The following SNTB2 variants were observed in gnomAD, a reference collection of about 807,000 sequenced individuals.
The protein encoded by SNTB2 is beta-2-syntrophin.
A neutral mutation model predicts 46.2 loss-of-function variants in SNTB2; 34 were observed. That is an observed-to-expected ratio of 0.74 (90% CI 0.56 to 0.98). The LOEUF (loss-of-function observed/expected upper bound fraction) is 0.98. Ranked by LOEUF, SNTB2 falls within the 50% of genes least tolerant of loss-of-function variation. SNTB2 has a pLI of 0.00. For missense variants in SNTB2, 603 were observed against 731.4 expected (o/e 0.82, Z 2.02); for synonymous variants, 290 against 312.6 (o/e 0.93, Z 0.76).
At chr16:69,246,075 AAG>A (rs1437976841) in intron 2 of SNTB2, among the ~76,000 whole-genome samples, 17 of 152,326 alleles carry the variant, frequency 1.1e-4, no homozygotes, top group African/African-American at 3.8e-4. Flanking sequence ...GGGTGAAAGA[AAG>A]AGGGGGCATC....
chr16:69,278,891 T>A (rs755630589), intron 4 of SNTB2, among the ~76,000 whole-genome samples: 942 of 63,496 alleles, frequency 0.015, 2 homozygotes, highest in Non-Finnish European at 0.026. Flanking sequence ...GTGGGAAGAG[T>A]GTGTGTGTGT....
At chr16:69,203,746 A>G (rs1964188203) in intron 1 of SNTB2, among the ~76,000 whole-genome samples, 1 of 151,896 alleles carries the variant, frequency 6.6e-6, no homozygotes, top group Non-Finnish European at 1.5e-5. Flanking sequence ...GTGGGAATCC[A>G]TTGCTTGTTT....
At chr16:69,278,299 G>A (rs1408604990) in intron 4 of SNTB2, among the ~76,000 whole-genome samples, 1 of 152,060 alleles carries the variant, frequency 6.6e-6, no homozygotes, top group Admixed American at 6.6e-5. Flanking sequence ...CTGGGGGACA[G>A]AGTGAGACCC....
chr16:69,238,585 CTT>C (rs1424096198), intron 1 of SNTB2, among the ~76,000 whole-genome samples: 1 of 152,182 alleles, frequency 6.6e-6, no homozygotes, highest in Non-Finnish European at 1.5e-5. Flanking sequence ...GAACTGCAGA[CTT>C]ATATATCTAG....
chr16:69,202,668 C>T (rs868658384), intron 1 of SNTB2, among the ~76,000 whole-genome samples: 5 of 152,104 alleles, frequency 3.3e-5, no homozygotes, highest in Non-Finnish European at 5.9e-5. Flanking sequence ...CTCTGCCTCC[C>T]GGGTTCAAGC....
rs117435586 is a variant in SNTB2, at chr16:69,275,381, T to A, written c.1148+5096T>A. On this transcript the variant is annotated intron_variant, in intron 4 of 6. Coordinates refer to ENST00000336278, the MANE Select transcript of SNTB2 (RefSeq NM_006750.4). ...CATACCAATTCATGTTGTTTCTTAATAAGTTTAATTAATGTAACAACAGGG... is the reference window on the plus strand; with the variant it reads ...CATACCAATTCATGTTGTTTCTTAAAAAGTTTAATTAATGTAACAACAGGG... 9.0e-3 allele frequency among the ~76,000 whole-genome samples: 1,365 copies of A among 152,336 alleles called. 10 individuals carry two copies. The highest frequency in any genetic ancestry group is 0.014 in the South Asian group (68 of 4,824).
At chr16:69,199,088 T>C (rs1264074189) in intron 1 of SNTB2, among the ~76,000 whole-genome samples, 2 of 151,902 alleles carry the variant, frequency 1.3e-5, no homozygotes, top group Non-Finnish European at 2.9e-5. Context: ...TAGAGATGGG[T>C]TTCTCCGTGT....
At position 69,308,461 on chromosome 16, in the gene SNTB2, A is replaced by C. The variant is rs552876511; in HGVS notation, c.*7537A>C. On this transcript the variant is annotated 3_prime_UTR_variant, in exon 7 of 7. Coordinates refer to ENST00000336278, the MANE Select transcript of SNTB2 (RefSeq NM_006750.4). ...AATTTTCCCTCCACTATACGACTCC[A>C]GTATTATGTTTACAATCCATTGGAT... The C allele has an allele frequency of 1.3e-5, 2 of 152,350 alleles. No individual in the cohort carries two copies. Among genetic ancestry groups the C allele is most frequent in the Non-Finnish European group, 2.9e-5 (2 of 68,028 alleles). 9.4% of individuals were successfully genotyped at this position (152,350 alleles called of 1,614,324 possible). A position where few individuals can be genotyped will look rare whatever the true frequency, so the allele number is the denominator to read the frequency against.
intron 1 of SNTB2, among the ~76,000 whole-genome samples, chr16:69,190,852 G>C (rs1964042417): frequency 6.6e-6 from 1 of 152,094 alleles, no homozygotes; most frequent in Non-Finnish European, 1.5e-5. Flanking sequence ...GTAAAGCCAG[G>C]ATGATAATAA....
intron 3 of SNTB2, among the ~76,000 whole-genome samples, chr16:69,263,961 C>CA (rs1041443484): frequency 2.7e-5 from 4 of 147,438 alleles, no homozygotes; most frequent in East Asian, 2.0e-4. Flanking sequence ...CTCCGCCTCC[C>CA]AAAAAAAAAA....
At chr16:69,282,959 G>C (rs887263722) in intron 4 of SNTB2, among the ~76,000 whole-genome samples, 1 of 152,066 alleles carries the variant, frequency 6.6e-6, no homozygotes, top group African/African-American at 2.4e-5. Context: ...AGTTTTAGGA[G>C]TTGTGTACAG....
rs543549242 is a variant in SNTB2, at chr16:69,188,378, C to T, written c.580+632C>T. ...ATTTACTGCCAACTAGAGTTTTGCC[C>T]CTTTTGCAAGTCTGCTGCCAGCTTC... On this transcript the variant is annotated intron_variant, in intron 1 of 6. Coordinates refer to ENST00000336278, the MANE Select transcript of SNTB2 (RefSeq NM_006750.4). Among the ~76,000 whole-genome samples, 5 of 152,322 alleles carry T rather than the reference C, an allele frequency of 3.3e-5. No homozygotes were observed. In the East Asian group the frequency reaches 9.6e-4, roughly 29 times the overall value.
rs531703873 is a variant in SNTB2, at chr16:69,302,088, G to A, written c.*1164G>A. 5 of 152,244 alleles carry A rather than the reference G, an allele frequency of 3.3e-5. No homozygotes were observed. In the East Asian group the frequency reaches 9.7e-4, roughly 29 times the overall value. 9.4% of individuals were successfully genotyped at this position (152,244 alleles called of 1,614,324 possible). On this transcript the variant is annotated 3_prime_UTR_variant, in exon 7 of 7. Transcript: ENST00000336278. ...TGGCCTGGCCCTTTGTGGCAGCAGT[G>A]GCATGGACAAGCAACTGCTAATTCG...
chr16:69,245,516 A>G (rs191031490), intron 1 of SNTB2, 86 bp from the exon 2 acceptor site: 3 of 1,298,644 alleles, frequency 2.3e-6, no homozygotes, highest in African/African-American at 1.5e-5. Flanking sequence ...TTTGTTATAG[A>G]TATAGCATGT....
chr16:69,207,926 G>A (rs1964240529), intron 1 of SNTB2, among the ~76,000 whole-genome samples: 1 of 148,700 alleles, frequency 6.7e-6, no homozygotes, highest in Non-Finnish European at 1.5e-5. Flanking sequence ...TGGCCAACAT[G>A]ATGAAACCCC....
intron 5 of SNTB2, among the ~76,000 whole-genome samples, chr16:69,289,045 G>A (rs9929672): frequency 0.18 from 27,089 of 151,824 alleles, 2,651 homozygotes; most frequent in Middle Eastern, 0.24. Flanking sequence ...CGAGGCGCGC[G>A]GATCACCTGA....
chr16:69,243,020 TAAAAAAAAA>T (rs371176390), intron 1 of SNTB2, among the ~76,000 whole-genome samples: 3,258 of 96,068 alleles, frequency 0.034, 128 homozygotes, highest in African/African-American at 0.12. Flanking sequence ...GACTGCATCT[TAAAAAAAAA>T]AAAAAAAAAA....
intron 2 of SNTB2, among the ~76,000 whole-genome samples, chr16:69,254,397 A>G (rs1964753989): frequency 6.6e-6 from 1 of 152,194 alleles, no homozygotes; most frequent in South Asian, 2.1e-4. Flanking sequence ...CAGCTAAGTC[A>G]TTTAACTCCT....
chr16:69,281,232 GA>G (rs1188479712), intron 4 of SNTB2, among the ~76,000 whole-genome samples: 2 of 149,162 alleles, frequency 1.3e-5, no homozygotes, highest in African/African-American at 5.0e-5. Context: ...CTATGTTATA[GA>G]TTTTTTTTTT....
Sources: gnomAD v4.1 joint callset for allele counts (sites outside exome capture counted in the v4.1 genomes callset) on GRCh38, gnomAD v4.1.1 for gene constraint, MANE v1.5 for transcripts, NCBI Gene and HGNC (gene_info 2026-07-23, HGNC 2026-07-21) for gene names.